MGLL: variants seen among roughly 807,000 people sequenced by gnomAD.
The protein encoded by MGLL is monoglyceride lipase, also known as lysophospholipase homolog.
Under a neutral mutation model 29.1 loss-of-function variants are expected in MGLL, and 7 were observed. That is an observed-to-expected ratio of 0.24 (90% CI 0.14 to 0.45). The LOEUF is 0.45. Ranked by LOEUF, MGLL falls within the 20% of genes least tolerant of loss-of-function variation. MGLL has a pLI of 0.99. For missense variants in MGLL, 356 were observed against 413.6 expected, an observed-to-expected ratio of 0.86 and a Z score of 1.21; for synonymous variants, 148 against 168.3, an observed-to-expected ratio of 0.88 and a Z score of 0.93.
At chr3:127,776,510 G>A (rs1486848994) in intron 3 of MGLL, among the ~76,000 whole-genome samples, 1 of 152,200 alleles carries the variant, frequency 6.6e-6, no homozygotes, top group Non-Finnish European at 1.5e-5. Flanking sequence ...ACAAGACCCG[G>A]CCATCCTGCC....
At chr3:127,816,273 G>A (rs2077754008) in intron 2 of MGLL, among the ~76,000 whole-genome samples, 1 of 152,208 alleles carries the variant, frequency 6.6e-6, no homozygotes, top group African/African-American at 2.4e-5. Context: ...ATGAAAACAG[G>A]ACCTGCAGAA....
chr3:127,807,555 G>T (rs1232919058), intron 2 of MGLL, among the ~76,000 whole-genome samples: 1 of 151,744 alleles, frequency 6.6e-6, no homozygotes, highest in African/African-American at 2.4e-5. Flanking sequence ...AAGGTGAAAA[G>T]ATATTTGCAT....
intron 2 of MGLL, among the ~76,000 whole-genome samples, chr3:127,818,434 T>A (rs2077798816): frequency 6.6e-6 from 1 of 152,006 alleles, no homozygotes; most frequent in African/African-American, 2.4e-5. Flanking sequence ...GGTCTCAAAC[T>A]CCTGGTCTCA....
intron 5 of MGLL, chr3:127,715,967 G>A (rs1292329182): frequency 2.6e-6 from 1 of 381,348 alleles, no homozygotes; most frequent in Non-Finnish European, 5.3e-6. Context: ...ATCCAGCTCA[G>A]GAGAGAGGAG....
chr3:127,734,448 T>C (rs651647), intron 3 of MGLL, among the ~76,000 whole-genome samples: 22,531 of 151,968 alleles, frequency 0.15, 2,539 homozygotes, highest in East Asian at 0.45. Flanking sequence ...ACCCTAACTC[T>C]GAGCCCACAC....
intron 6 of MGLL, among the ~76,000 whole-genome samples, chr3:127,695,791 T>G (rs895011618): frequency 2.0e-5 from 3 of 152,208 alleles, no homozygotes; most frequent in South Asian, 4.1e-4. Flanking sequence ...ATTTGTATTT[T>G]AAAAAATATA....
chr3:127,759,397 A>G (rs1359132751), intron 3 of MGLL, among the ~76,000 whole-genome samples: 2 of 152,046 alleles, frequency 1.3e-5, no homozygotes, highest in African/African-American at 4.8e-5. Flanking sequence ...TTGGTCCCCT[A>G]CCACACCTGA....
intron 5 of MGLL, 32 bp downstream of exon 5, chr3:127,721,021 T>C (rs1172585241): frequency 1.3e-6 from 2 of 1,580,716 alleles, no homozygotes; most frequent in Non-Finnish European, 1.7e-6. Flanking sequence ...GGGGAACCTG[T>C]AGGAATTGTA....
chr3:127,748,385 G>A (rs182906253), intron 3 of MGLL, among the ~76,000 whole-genome samples: 1 of 149,636 alleles, frequency 6.7e-6, no homozygotes, highest in African/African-American at 2.5e-5. Flanking sequence ...GAGGGAGGAG[G>A]GAGGGAGGGA....
chr3:127,736,085 T>C (rs2076237730), intron 3 of MGLL: 1 of 1,262,060 alleles, frequency 7.9e-7, no homozygotes, highest in Non-Finnish European at 1.0e-6. Context: ...ATTACAGAAG[T>C]TCCCAAACAG....
intron 6 of MGLL, among the ~76,000 whole-genome samples, chr3:127,703,770 G>T (rs1256433990): frequency 6.6e-6 from 1 of 152,220 alleles, no homozygotes; most frequent in African/African-American, 2.4e-5. Flanking sequence ...GCAGCCCACA[G>T]AATAGGAGAA....
rs572567112 is a variant in MGLL at position 127,722,585 on chromosome 3, TGA to T, written c.263-21_263-20del. The T allele has an allele frequency of 6.3e-5, 102 of 1,614,248 alleles. 2 individuals are homozygous for T. In the East Asian group the frequency reaches 2.3e-3, roughly 36 times the overall value. ...TGGCCAACTGGAAAGGAACGGGAGA[TGA>T]GAGAGAGCTGCAGTTACCAGGTCGA... On this transcript the variant is annotated intron_variant, in intron 3 of 7. Transcript: ENST00000265052.
intron 3 of MGLL, among the ~76,000 whole-genome samples, chr3:127,723,799 T>C (rs1002443980): frequency 6.6e-6 from 1 of 152,222 alleles, no homozygotes; most frequent in Non-Finnish European, 1.5e-5. Flanking sequence ...TGAGACTACA[T>C]ACCAATTGAT....
chr3:127,778,593 G>A (rs1178666450), intron 3 of MGLL, among the ~76,000 whole-genome samples: 1 of 152,242 alleles, frequency 6.6e-6, no homozygotes, highest in Non-Finnish European at 1.5e-5. Context: ...ACACCCTGGA[G>A]TGCAGATGAC....
At chr3:127,794,296 T>C (rs1242122839) in intron 2 of MGLL, among the ~76,000 whole-genome samples, 1 of 152,060 alleles carries the variant, frequency 6.6e-6, no homozygotes, top group Non-Finnish European at 1.5e-5. Flanking sequence ...AATACATAAA[T>C]TAGCTGGGCA....
chr3:127,759,246 G>A (rs145319700), intron 3 of MGLL, among the ~76,000 whole-genome samples: 16 of 152,228 alleles, frequency 1.1e-4, no homozygotes, highest in Middle Eastern at 3.4e-3. Flanking sequence ...TTCTCACAGC[G>A]TCCATTATTA....
chr3:127,694,280 A>AT (rs1393930255), intron 7 of MGLL, among the ~76,000 whole-genome samples: 3 of 117,208 alleles, frequency 2.6e-5, no homozygotes, highest in African/African-American at 9.2e-5. Flanking sequence ...AAAAAAAAAA[A>AT]AAAAAAATAT....
chr3:127,818,021 T>C (rs550958645), intron 2 of MGLL, among the ~76,000 whole-genome samples: 169 of 152,300 alleles, frequency 1.1e-3, no homozygotes, highest in African/African-American at 3.5e-3. Context: ...AGTGCAGTGG[T>C]GCGATCTCCG....
Position 127,819,578 on chromosome 3 carries a change from C to T in MGLL, c.155+2116G>A, listed in dbSNP as rs149362554. 1.5e-3 allele frequency among the ~76,000 whole-genome samples: 223 copies of T among 152,198 alleles called. 1 individual carries two copies. The highest frequency in any genetic ancestry group is 5.2e-3 in the African/African-American group (215 of 41,502). ...TCCTAACTGGGAGGAGACAGGATTG[C>T]ACAAAGCGAGGCCCTAGTTTTGCTG... On this transcript the variant is annotated intron_variant, in intron 2 of 7. Transcript: ENST00000265052.
Sources: allele counts gnomAD v4.1 joint callset (sites outside exome capture counted in the v4.1 genomes callset), GRCh38; gene constraint gnomAD v4.1.1; transcripts MANE v1.5; gene names NCBI Gene and HGNC (gene_info 2026-07-23, HGNC 2026-07-21).